The following RARB variants were observed in gnomAD, a reference collection of about 807,000 sequenced individuals.
RARB encodes retinoic acid receptor beta, also known as HBV-activated protein.
A neutral mutation model predicts 51.9 loss-of-function variants in RARB; 17 were observed. That is an observed-to-expected ratio of 0.33 (90% CI 0.22 to 0.49). The LOEUF (loss-of-function observed/expected upper bound fraction) is 0.49. Ranked by LOEUF, RARB falls within the 20% of genes least tolerant of loss-of-function variation. The pLI, the probability that RARB is intolerant of heterozygous loss-of-function variation, is 0.99. For synonymous variants in RARB, 215 were observed against 195.4 expected, an observed-to-expected ratio of 1.10 and a Z score of -0.84; for missense variants, 369 against 550.8, an observed-to-expected ratio of 0.67 and a Z score of 3.30.
intron 2 of RARB, among the ~76,000 whole-genome samples, chr3:24,964,174 T>C (rs1431602708): frequency 6.6e-6 from 1 of 152,002 alleles, no homozygotes; most frequent in African/African-American, 2.4e-5. Context: ...ACCAGATCTT[T>C]TTTGTGTATA....
At chr3:25,045,842 T>C (rs548514539) in intron 2 of RARB, among the ~76,000 whole-genome samples, 3 of 152,370 alleles carry the variant, frequency 2.0e-5, no homozygotes, top group African/African-American at 7.2e-5. Flanking sequence ...GCCTTTTTCT[T>C]AAAATGTTTT....
At chr3:25,591,472 G>A (rs754854833) in intron 5 of RARB, among the ~76,000 whole-genome samples, 11 of 152,196 alleles carry the variant, frequency 7.2e-5, no homozygotes, top group Non-Finnish European at 1.3e-4. Flanking sequence ...GACTATTGGC[G>A]TGGAGAGAAA....
intron 2 of RARB, among the ~76,000 whole-genome samples, chr3:25,051,145 A>G (rs1350961745): frequency 6.6e-6 from 1 of 152,208 alleles, no homozygotes; most frequent in Non-Finnish European, 1.5e-5. Context: ...AAGGAGTAGA[A>G]TTGTAAGTGA....
intron 2 of RARB, among the ~76,000 whole-genome samples, chr3:25,487,382 A>G (rs979250130): frequency 6.6e-6 from 1 of 152,080 alleles, no homozygotes; most frequent in African/African-American, 2.4e-5. Flanking sequence ...ACACAATTAA[A>G]AGTGAAAAAT....
intron 5 of RARB, among the ~76,000 whole-genome samples, chr3:25,365,700 A>AG (rs1706097105): frequency 6.6e-6 from 1 of 152,224 alleles, no homozygotes; most frequent in African/African-American, 2.4e-5. Context: ...TATCTGGGCT[A>AG]GGATAATTCA....
chr3:24,947,894 G>A (rs1695808696), intron 2 of RARB, among the ~76,000 whole-genome samples: 1 of 151,814 alleles, frequency 6.6e-6, no homozygotes, highest in African/African-American at 2.4e-5. Flanking sequence ...CCTCAGTAAG[G>A]TAGTTAAGAA....
intron 2 of RARB, among the ~76,000 whole-genome samples, chr3:24,964,808 T>C (rs895092778): frequency 2.6e-5 from 4 of 152,226 alleles, no homozygotes; most frequent in Admixed American, 2.6e-4. Context: ...CTAAAGGCGA[T>C]GTCCCCGCTT....
chr3:25,029,348 C>T (rs530441656), intron 2 of RARB, among the ~76,000 whole-genome samples: 1 of 152,314 alleles, frequency 6.6e-6, no homozygotes, highest in East Asian at 1.9e-4. Context: ...GGTAAGTTTC[C>T]TCTTCTTAGA....
At chr3:25,094,356 C>T (rs1699255016) in intron 3 of RARB, among the ~76,000 whole-genome samples, 1 of 152,086 alleles carries the variant, frequency 6.6e-6, no homozygotes, top group African/African-American at 2.4e-5. Context: ...CTACTATGTC[C>T]TGGGCAAATA....
At chr3:25,482,752 G>C (rs558830539) in intron 2 of RARB, among the ~76,000 whole-genome samples, 56 of 151,770 alleles carry the variant, frequency 3.7e-4, no homozygotes, top group African/African-American at 1.2e-3. Flanking sequence ...TGTTAGCCAG[G>C]ATGGTCTCGA....
At chr3:25,243,726 G>A (rs1702487100) in intron 5 of RARB, among the ~76,000 whole-genome samples, 1 of 152,116 alleles carries the variant, frequency 6.6e-6, no homozygotes, top group Non-Finnish European at 1.5e-5. Context: ...TTTTATTGAG[G>A]ATTTTTCCCT....
intron 5 of RARB, among the ~76,000 whole-genome samples, chr3:25,328,907 C>T (rs572713626): frequency 6.6e-6 from 1 of 152,324 alleles, no homozygotes; most frequent in South Asian, 2.1e-4. Flanking sequence ...GTCCCACACC[C>T]ACAGAGCCTC....
intron 2 of RARB, among the ~76,000 whole-genome samples, chr3:24,928,003 G>A (rs1215877986): frequency 6.6e-6 from 1 of 152,028 alleles, no homozygotes; most frequent in Non-Finnish European, 1.5e-5. Context: ...TTTATTGTTG[G>A]ATCTAATAGG....
chr3:25,360,495 G>A (rs1705897097), intron 5 of RARB, among the ~76,000 whole-genome samples: 1 of 152,180 alleles, frequency 6.6e-6, no homozygotes, highest in African/African-American at 2.4e-5. Context: ...ATATTGTTAT[G>A]TGTGAATTTG....
chr3:25,136,192 C>T (rs1405285985), intron 4 of RARB, among the ~76,000 whole-genome samples: 1 of 151,938 alleles, frequency 6.6e-6, no homozygotes, highest in Non-Finnish European at 1.5e-5. Context: ...CCTTGACAGG[C>T]ATATGTCATG....
At chr3:24,999,009 T>C (rs1345729289) in intron 2 of RARB, among the ~76,000 whole-genome samples, 3 of 152,092 alleles carry the variant, frequency 2.0e-5, no homozygotes, top group Non-Finnish European at 4.4e-5. Context: ...TAAGCAATAA[T>C]ATATGAGCCC....
intron 5 of RARB, among the ~76,000 whole-genome samples, chr3:25,586,417 C>T (rs958495407): frequency 2.6e-5 from 4 of 152,028 alleles, no homozygotes; most frequent in Admixed American, 6.5e-5. Flanking sequence ...GTTCCAGGCT[C>T]GAAAGGGGGA....
intron 3 of RARB, among the ~76,000 whole-genome samples, chr3:25,504,143 C>T (rs1266591483): frequency 1.3e-5 from 2 of 152,228 alleles, no homozygotes; most frequent in African/African-American, 4.8e-5. Flanking sequence ...CAACTCTACG[C>T]ATGTCACTGA....
intron 5 of RARB, among the ~76,000 whole-genome samples, chr3:25,374,952 G>T (rs1181929903): frequency 1.3e-5 from 2 of 151,262 alleles, no homozygotes; most frequent in East Asian, 1.9e-4. Flanking sequence ...TTTTTTTCTT[G>T]GGTTCCTTTT....
Sources: gnomAD v4.1 joint callset for allele counts (sites outside exome capture counted in the v4.1 genomes callset) on GRCh38, gnomAD v4.1.1 for gene constraint, MANE v1.5 for transcripts, NCBI Gene and HGNC (gene_info 2026-07-23, HGNC 2026-07-21) for gene names.